Variants in MTM1 observed in about 807,000 individuals in gnomAD.
MTM1 encodes the protein myotubularin.
In MTM1, 9 loss-of-function variants were observed where a neutral mutation model predicts 52.1. The observed-to-expected ratio is 0.17, with a 90% CI of 0.10 to 0.30. The LOEUF (loss-of-function observed/expected upper bound fraction) is 0.30, where lower values mean the gene tolerates loss of function less well. Among genes scored for constraint, MTM1 ranks in the 10% least tolerant of loss-of-function variants. The pLI is 1.00. For missense variants in MTM1, 277 were observed against 470.7 expected (o/e 0.59, Z 3.81); for synonymous variants, 136 against 163.8 (o/e 0.83, Z 1.29).
At chrX:150,625,849 C>T (rs2039559799) in intron 6 of MTM1, among the ~76,000 whole-genome samples, 1 of 112,642 alleles carries the variant, frequency 8.9e-6, no homozygotes, top group African/African-American at 3.2e-5. Context: ...AGAAAAGACA[C>T]AGGTGAGGTA....
intron 1 of MTM1, among the ~76,000 whole-genome samples, chrX:150,577,137 T>C (rs1313688023): frequency 8.9e-6 from 1 of 112,336 alleles, no homozygotes; most frequent in East Asian, 2.8e-4. Context: ...TTGTTGCATG[T>C]ATCAGCAGTT....
chrX:150,566,595 C>T (rs2038265656), upstream of MTM1, among the ~76,000 whole-genome samples: 1 of 110,914 alleles, frequency 9.0e-6, no homozygotes, highest in Non-Finnish European at 1.9e-5. Flanking sequence ...GGTTGAATTG[C>T]ATCTTTCTAG....
At chrX:150,583,663 A>T (rs1463076201) in intron 1 of MTM1, among the ~76,000 whole-genome samples, 1 of 38,087 alleles carries the variant, frequency 2.6e-5, no homozygotes, top group African/African-American at 1.1e-4. Flanking sequence ...TATATTATAT[A>T]TAATTTATAT....
In MTM1 at chrX:150,598,661, G is replaced by C; in HGVS notation, c.206G>C (p.Arg69Pro). 8.4e-7 allele frequency: 1 copy of C among 1,191,756 alleles called. No individual in the cohort carries two copies. The highest frequency in any genetic ancestry group is 2.2e-5 in the Admixed American group (1 of 45,852). The change falls in exon 4 of 15, where the codon CGT becomes CCT. Residue 69 changes from arginine (R) to proline (P), a missense_variant. Arg to Pro is a moderately radical substitution (Grantham distance 103). Transcript: ENST00000370396. ...GGAAGAGTTTACATCACAAATTATC[G>C]TCTTTATTTAAGAAGTTTGGAAACG... Reference protein sequence around the residue: ...IKGRVYITNYRLYLRSLETDS... With the variant: ...IKGRVYITNYPLYLRSLETDS...
intron 8 of MTM1, among the ~76,000 whole-genome samples, chrX:150,643,514 A>G (rs1557413893): frequency 9.0e-6 from 1 of 111,451 alleles, no homozygotes; most frequent in African/African-American, 3.3e-5. Flanking sequence ...CTTCCTTCTA[A>G]GCATATATCT....
At chrX:150,597,105 A>G (rs1382331990) in intron 3 of MTM1, 2 of 117,481 alleles carry the variant, frequency 1.7e-5, no homozygotes, top group Non-Finnish European at 3.5e-5. Flanking sequence ...CTAGATCACT[A>G]CGGCTTAAGA....
intron 1 of MTM1, among the ~76,000 whole-genome samples, chrX:150,583,410 T>C (rs1161300971): frequency 5.0e-5 from 2 of 40,402 alleles, no homozygotes; most frequent in African/African-American, 2.2e-4. Flanking sequence ...TTATATATAT[T>C]ATATTATATA....
chrX:150,615,878 C>T (rs933272694), intron 5 of MTM1, among the ~76,000 whole-genome samples: 2 of 111,396 alleles, frequency 1.8e-5, no homozygotes, highest in African/African-American at 6.5e-5. Flanking sequence ...TTCGAGCTAC[C>T]TTAATGCTTT....
chrX:150,594,359 C>T (rs1268825370), intron 2 of MTM1, among the ~76,000 whole-genome samples: 1 of 111,522 alleles, frequency 9.0e-6, no homozygotes, highest in East Asian at 2.8e-4. Context: ...ATCCACCTGC[C>T]TTAGCCTCCC....
In MTM1 at chrX:150,585,611, T is replaced by C. The variant is rs782324473; in HGVS notation, c.-10-6994T>C. 5.3e-5 allele frequency among the ~76,000 whole-genome samples: 6 copies of C among 112,517 alleles called. No homozygotes were observed. The South Asian group carries it at 2.2e-3, about 41-fold the overall frequency. On this transcript the variant is annotated intron_variant, in intron 1 of 14. Coordinates refer to ENST00000370396, the MANE Select transcript of MTM1 (RefSeq NM_000252.3). ...TTCAATAAAATGCAGTTTTTTTCATTGAGCAGATCAGCTGGGTTCATGAGT... is the reference window on the plus strand; with the variant it reads ...TTCAATAAAATGCAGTTTTTTTCATCGAGCAGATCAGCTGGGTTCATGAGT...
At chrX:150,565,414 C>T (rs1376350740), upstream of MTM1, among the ~76,000 whole-genome samples, 1 of 111,783 alleles carries the variant, frequency 8.9e-6, no homozygotes, top group Non-Finnish European at 1.9e-5. Flanking sequence ...TTTTTCATTC[C>T]TAATTTTCTT....
chrX:150,656,740 C>T (rs1250502521), intron 10 of MTM1, among the ~76,000 whole-genome samples: 2 of 111,418 alleles, frequency 1.8e-5, no homozygotes, highest in Non-Finnish European at 3.8e-5. Context: ...TGACAAAGGG[C>T]TATATCCAGA....
At chrX:150,652,875 A>G (rs1408121145) in intron 10 of MTM1, among the ~76,000 whole-genome samples, 1 of 109,451 alleles carries the variant, frequency 9.1e-6, no homozygotes, top group East Asian at 2.8e-4. Context: ...CTCAGCTGCT[A>G]CTCTGAGCTA....
At chrX:150,579,108 G>A (rs1174640947) in intron 1 of MTM1, among the ~76,000 whole-genome samples, 1 of 110,289 alleles carries the variant, frequency 9.1e-6, no homozygotes, top group Non-Finnish European at 1.9e-5. Flanking sequence ...AGGCTGGAGT[G>A]CAATGGTGTA....
intron 5 of MTM1, among the ~76,000 whole-genome samples, chrX:150,615,597 A>G (rs1448312141): frequency 9.0e-6 from 1 of 111,382 alleles, no homozygotes; most frequent in Non-Finnish European, 1.9e-5. Context: ...TTGCTGTGTG[A>G]GATTACTTGC....
intron 1 of MTM1, among the ~76,000 whole-genome samples, chrX:150,584,038 A>G (rs371064165): frequency 1.9e-4 from 18 of 94,949 alleles, no homozygotes; most frequent in East Asian, 6.1e-4. Flanking sequence ...GGCAGCAAAT[A>G]TATTTTTATA....
intron 6 of MTM1, among the ~76,000 whole-genome samples, chrX:150,624,674 A>G (rs2039536664): frequency 8.9e-6 from 1 of 112,109 alleles, no homozygotes; most frequent in Non-Finnish European, 1.9e-5. Flanking sequence ...AGAATAGAAT[A>G]GAATAAGAGC....
At chrX:150,584,840 T>G (rs1557412180) in intron 1 of MTM1, among the ~76,000 whole-genome samples, 1 of 111,935 alleles carries the variant, frequency 8.9e-6, no homozygotes, top group African/African-American at 3.3e-5. Flanking sequence ...AGATTACTTA[T>G]AATACCTAAT....
intron 1 of MTM1, among the ~76,000 whole-genome samples, chrX:150,587,545 C>A (rs1328057417): frequency 9.0e-6 from 1 of 111,631 alleles, no homozygotes; most frequent in Non-Finnish European, 1.9e-5. Context: ...TTCTTCCCCC[C>A]AAATAAACAA....
Sources: allele counts gnomAD v4.1 joint callset (sites outside exome capture counted in the v4.1 genomes callset), GRCh38; gene constraint gnomAD v4.1.1; transcripts MANE v1.5; gene names NCBI Gene and HGNC (gene_info 2026-07-23, HGNC 2026-07-21).